The following FARP1 variants were observed in gnomAD, a reference collection of about 807,000 sequenced individuals.
The protein encoded by FARP1 is FERM, ARH/RhoGEF and pleckstrin domain protein 1, also known as FERM, ARHGEF and pleckstrin domain-containing protein 1.
A neutral mutation model predicts 128.8 loss-of-function variants in FARP1; 52 were observed. The ratio of observed to expected loss-of-function variants is 0.40; its 90% CI spans 0.32 to 0.51. The LOEUF (loss-of-function observed/expected upper bound fraction) is 0.51. Ranked by LOEUF, FARP1 falls within the 20% of genes least tolerant of loss-of-function variation. The pLI, the probability that FARP1 is intolerant of heterozygous loss-of-function variation, is 0.45. For synonymous variants in FARP1, 580 were observed against 551.8 expected (o/e 1.05, Z -0.72); for missense variants, 1,333 against 1,367.9 (o/e 0.97, Z 0.40).
chr13:98,198,352 T>A lies in FARP1; in HGVS notation c.-23-14868T>A, dbSNP rs561220457. Among the ~76,000 whole-genome samples, 11 of 152,178 alleles carry A rather than the reference T, an allele frequency of 7.2e-5. No individual in the cohort carries two copies. In the South Asian group the frequency reaches 8.3e-4, roughly 11 times the overall value. Reference sequence around the variant, plus strand: ...CCAAAACTGGAAGCAACCACAATGTTTTTCTGTAGGGGAATGGATAAACTG... The same window carrying A: ...CCAAAACTGGAAGCAACCACAATGTATTTCTGTAGGGGAATGGATAAACTG... On this transcript the variant is annotated intron_variant, in intron 1 of 26. Coordinates refer to ENST00000319562, the MANE Select transcript of FARP1 (RefSeq NM_005766.4).
At chr13:98,198,067 A>C (rs116805743) in intron 1 of FARP1, among the ~76,000 whole-genome samples, 1 of 152,132 alleles carries the variant, frequency 6.6e-6, no homozygotes, top group African/African-American at 2.4e-5. Context: ...TTCCAGACAC[A>C]TTTTTATTTA....
chr13:98,418,260 GT>G (rs1891461828), intron 16 of FARP1, among the ~76,000 whole-genome samples: 1 of 77,866 alleles, frequency 1.3e-5, no homozygotes, highest in Admixed American at 1.7e-4. Context: ...TTATTTGTTT[GT>G]TTTGTTTTGT....
Position 98,449,061 on chromosome 13 carries a change from T to A in FARP1, c.*744T>A, listed in dbSNP as rs1375974840. On this transcript the variant is annotated 3_prime_UTR_variant, in exon 27 of 27. Transcript: ENST00000319562. ...CAATACCTGGACTGTCACCGTCCTG[T>A]GAGTGGTGTACACAATGGGAAGATA... is the stretch of plus-strand genomic sequence containing the variant. 3 of 152,338 alleles carry A rather than the reference T, an allele frequency of 2.0e-5. No homozygotes were observed. In the East Asian group the frequency reaches 5.8e-4, roughly 29 times the overall value. The allele number at this position is 152,338 out of a possible 1,614,324, so 9.4% of individuals were successfully genotyped here. A position where few individuals can be genotyped will look rare whatever the true frequency, so the allele number is the denominator to read the frequency against.
At chr13:98,444,955 G>GGGA (rs1440144560) in intron 24 of FARP1, among the ~76,000 whole-genome samples, 2 of 152,218 alleles carry the variant, frequency 1.3e-5, no homozygotes, top group South Asian at 4.1e-4. Flanking sequence ...CTGCCACTGG[G>GGGA]GGAGGAGGAT....
At chr13:98,227,516 A>G (rs190438524) in intron 2 of FARP1, among the ~76,000 whole-genome samples, 4 of 152,158 alleles carry the variant, frequency 2.6e-5, no homozygotes, top group African/African-American at 9.6e-5. Flanking sequence ...TACTCTGTGC[A>G]CTGTTGGTGA....
At chr13:98,250,706 G>T (rs771707042) in intron 2 of FARP1, among the ~76,000 whole-genome samples, 1 of 148,500 alleles carries the variant, frequency 6.7e-6, no homozygotes, top group Non-Finnish European at 1.5e-5. Context: ...GGGCGACAGA[G>T]CAAGACTCTG....
intron 18 of FARP1, 107 bp downstream of exon 18, chr13:98,431,387 T>A: frequency 1.5e-6 from 1 of 667,474 alleles, no homozygotes. Flanking sequence ...AGAGGTCAGC[T>A]GATGCTGGGT....
At position 98,448,418 on chromosome 13, in the gene FARP1, C is replaced by A; in HGVS notation, c.*101C>A. On this transcript the variant is annotated 3_prime_UTR_variant, in exon 27 of 27. Coordinates refer to ENST00000319562, the MANE Select transcript of FARP1 (RefSeq NM_005766.4). The stretch of plus-strand genomic sequence containing the variant: ...GTAAAATTAACACCTGTCTGAAAAT[C>A]AAAAACATGGCTTCCCAGCAGCTCT... 3 of 972,000 alleles carry A rather than the reference C, an allele frequency of 3.1e-6. No individual in the cohort carries two copies. The highest frequency in any genetic ancestry group is 3.3e-6 in the Non-Finnish European group (2 of 610,806). The allele number at this position is 972,000 out of a possible 1,614,324, so 60.2% of individuals were successfully genotyped here.
chr13:98,206,293 T>C lies in FARP1; in HGVS notation c.-23-6927T>C, dbSNP rs577125132. ...CCTTGGTGGTATGTCTAATGCAGTC[T>C]GTCTTTTTCATCTTGCCTCAGCGAC... On this transcript the variant is annotated intron_variant, in intron 1 of 26. Coordinates refer to ENST00000319562, the MANE Select transcript of FARP1 (RefSeq NM_005766.4). 8.5e-5 allele frequency among the ~76,000 whole-genome samples: 13 copies of C among 152,274 alleles called. No homozygotes were observed. In the East Asian group the frequency reaches 2.5e-3, roughly 29 times the overall value.
intron 24 of FARP1, among the ~76,000 whole-genome samples, chr13:98,442,557 C>T (rs975918728): frequency 2.0e-5 from 3 of 152,156 alleles, no homozygotes; most frequent in African/African-American, 7.2e-5. Context: ...GTGAATATTC[C>T]CTCCCCGGGC....
At position 98,343,745 on chromosome 13, in the gene FARP1, G is replaced by C. The variant is rs375160200; in HGVS notation, c.172-17G>C. 4 of 1,586,792 alleles carry C rather than the reference G, an allele frequency of 2.5e-6. No individual in the cohort carries two copies. In the African/African-American group the frequency reaches 4.0e-5, roughly 16 times the overall value. ...CGTGCCTGCCTCAGGGATAACCCCT[G>C]TTGTTTCTGCTCACAGCAAAGAGCT... is the stretch of plus-strand genomic sequence containing the variant. On this transcript the variant is annotated splice_polypyrimidine_tract_variant and intron_variant, in intron 2 of 26. Coordinates refer to ENST00000319562, the MANE Select transcript of FARP1 (RefSeq NM_005766.4).
At chr13:98,195,188 AT>A (rs1566726996) in intron 1 of FARP1, among the ~76,000 whole-genome samples, 1 of 152,168 alleles carries the variant, frequency 6.6e-6, no homozygotes, top group African/African-American at 2.4e-5. Context: ...TGGATGTTGC[AT>A]TTCAGACCAT....
chr13:98,224,405 T>G (rs1161748614), intron 2 of FARP1, among the ~76,000 whole-genome samples: 1 of 151,258 alleles, frequency 6.6e-6, no homozygotes, highest in African/African-American at 2.4e-5. Context: ...CGAGTGCCTG[T>G]AGTCCCAGCT....
In FARP1 at chr13:98,252,058, A is replaced by G. The variant is rs146199167; in HGVS notation, c.171+38645A>G. On this transcript the variant is annotated intron_variant, in intron 2 of 26. Coordinates refer to ENST00000319562, the MANE Select transcript of FARP1 (RefSeq NM_005766.4). The stretch of plus-strand genomic sequence containing the variant: ...AGACAGGGTTTCACTATGTTGGCCA[A>G]CCTGGTCTCAAACTCCTGACTTCAA... Among the ~76,000 whole-genome samples, 1,094 of 152,156 alleles carry G rather than the reference A, an allele frequency of 7.2e-3. 18 individuals are homozygous for G. Among genetic ancestry groups the G allele is most frequent in the African/African-American group, 0.025 (1,020 of 41,518 alleles).
Position 98,176,816 on chromosome 13 carries a change from G to T in FARP1, c.-24+33324G>T. On this transcript the variant is annotated intron_variant, in intron 1 of 26. Coordinates refer to ENST00000319562, the MANE Select transcript of FARP1 (RefSeq NM_005766.4). The surrounding 1 kb of genome is among the most constrained non-coding windows in gnomAD (Gnocchi z 6.2). ...CCCCGGTAGATGTGGTCGTGCTCCC[G>T]ACCCCGCAGTGCCTCCTGGACCCGC... The T allele has an allele frequency of 6.2e-7, 1 of 1,613,082 alleles. No individual in the cohort carries two copies.
chr13:98,369,596 AT>A (rs1327013237), intron 5 of FARP1, among the ~76,000 whole-genome samples: 1 of 151,566 alleles, frequency 6.6e-6, no homozygotes, highest in Non-Finnish European at 1.5e-5. Context: ...GTTCACACCT[AT>A]GAGTGAGAAC....
intron 21 of FARP1, among the ~76,000 whole-genome samples, 188 bp from the exon 22 acceptor site, chr13:98,439,773 G>T (rs893116044): frequency 2.0e-5 from 3 of 152,100 alleles, no homozygotes; most frequent in Admixed American, 1.3e-4. Flanking sequence ...AGTGTGCCGC[G>T]ATCTTCCTGT....
intron 2 of FARP1, among the ~76,000 whole-genome samples, chr13:98,227,451 T>A (rs1192072785): frequency 4.2e-5 from 6 of 141,522 alleles, no homozygotes; most frequent in East Asian, 2.1e-4. Context: ...TGGCTACTAT[T>A]AAAAAAAAAA....
chr13:98,395,653 C>G (rs1267479443), intron 13 of FARP1, 177 bp downstream of exon 13: 15 of 757,872 alleles, frequency 2.0e-5, no homozygotes, highest in Middle Eastern at 3.9e-4. Context: ...CGGTGTCTAT[C>G]TGCTGTCCAG....
Sources: allele counts gnomAD v4.1 joint callset (sites outside exome capture counted in the v4.1 genomes callset), GRCh38; gene constraint gnomAD v4.1.1; non-coding constraint Gnocchi (gnomAD v3.1); transcripts MANE v1.5; gene names NCBI Gene and HGNC (gene_info 2026-07-23, HGNC 2026-07-21).